The following TGFA variants were observed in gnomAD, a reference collection of about 807,000 sequenced individuals.
The protein encoded by TGFA is transforming growth factor alpha.
TGFA carries 12 observed loss-of-function variants against 21.7 expected under a neutral mutation model. The observed-to-expected ratio is 0.55, with a 90% CI of 0.35 to 0.90. TGFA has a LOEUF of 0.90. Among genes scored for constraint, TGFA ranks in the 40% least tolerant of loss-of-function variants. The pLI is 0.01. For synonymous variants in TGFA, 79 were observed against 88.1 expected (o/e 0.90, Z 0.58); for missense variants, 178 against 210.8 (o/e 0.84, Z 0.96).
intron 3 of TGFA, among the ~76,000 whole-genome samples, chr2:70,458,693 T>A (rs1308404028): frequency 6.6e-6 from 1 of 152,220 alleles, no homozygotes; most frequent in African/African-American, 2.4e-5. Flanking sequence ...CAGAAGGATG[T>A]AATTTACAGA....
chr2:70,506,550 C>G (rs543191626), intron 2 of TGFA, among the ~76,000 whole-genome samples: 1 of 152,196 alleles, frequency 6.6e-6, no homozygotes, highest in South Asian at 2.1e-4. Context: ...AAAAAGTAAC[C>G]ATAAAGATAC....
intron 2 of TGFA, among the ~76,000 whole-genome samples, chr2:70,478,501 A>G (rs1381879121): frequency 2.4e-5 from 1 of 42,244 alleles, no homozygotes; most frequent in East Asian, 1.2e-3. Flanking sequence ...ATACCACTGG[A>G]AAAAAAAAAA....
intron 2 of TGFA, among the ~76,000 whole-genome samples, chr2:70,489,544 A>C (rs1671366346): frequency 6.6e-6 from 1 of 152,222 alleles, no homozygotes; most frequent in Admixed American, 6.5e-5. Flanking sequence ...GAAAACCATC[A>C]GACAATGTCT....
chr2:70,461,023 C>T (rs1210310068), intron 3 of TGFA, among the ~76,000 whole-genome samples: 9 of 152,168 alleles, frequency 5.9e-5, no homozygotes, highest in African/African-American at 2.2e-4. Flanking sequence ...TGGCTCTTGT[C>T]ATAGGCAGCA....
intron 2 of TGFA, among the ~76,000 whole-genome samples, chr2:70,470,359 CT>C (rs1670702440): frequency 6.6e-6 from 1 of 152,192 alleles, no homozygotes; most frequent in Non-Finnish European, 1.5e-5. Context: ...AAATCTAACT[CT>C]ATGCCTCCTG....
chr2:70,515,258 A>C (rs1189960798), intron 1 of TGFA, among the ~76,000 whole-genome samples: 1 of 152,154 alleles, frequency 6.6e-6, no homozygotes, highest in Non-Finnish European at 1.5e-5. Context: ...CGTAACATAA[A>C]ATTTACCATT....
chr2:70,468,114 T>C (rs1235584366), intron 2 of TGFA, among the ~76,000 whole-genome samples: 1 of 152,246 alleles, frequency 6.6e-6, no homozygotes, highest in South Asian at 2.1e-4. Flanking sequence ...TTGTCACCAC[T>C]GACAATCCCA....
intron 2 of TGFA, among the ~76,000 whole-genome samples, chr2:70,505,787 G>C (rs1382380400): frequency 1.3e-5 from 2 of 152,148 alleles, no homozygotes; most frequent in Non-Finnish European, 2.9e-5. Flanking sequence ...CTGTGTTTTG[G>C]TATTTAAGAA....
intron 2 of TGFA, among the ~76,000 whole-genome samples, chr2:70,489,874 C>T (rs530273373): frequency 2.1e-4 from 32 of 152,268 alleles, no homozygotes; most frequent in African/African-American, 7.7e-4. Context: ...TTAACCAGGC[C>T]CCCAGGAGAG....
At chr2:70,490,689 GTCTC>G (rs1671409770) in intron 2 of TGFA, among the ~76,000 whole-genome samples, 2 of 152,142 alleles carry the variant, frequency 1.3e-5, no homozygotes, top group Non-Finnish European at 1.5e-5. Context: ...GTATGAATTG[GTCTC>G]TCTCTAACTT....
chr2:70,529,926 A>C (rs972450991), intron 1 of TGFA, among the ~76,000 whole-genome samples: 3 of 152,196 alleles, frequency 2.0e-5, no homozygotes, highest in Non-Finnish European at 4.4e-5. Flanking sequence ...CAGACATAGA[A>C]TATAACAGAA....
rs923963616 is a variant in TGFA, at chr2:70,448,514, T to C, written c.*2345A>G. On this transcript the variant is annotated 3_prime_UTR_variant, in exon 6 of 6. Coordinates refer to ENST00000295400, the MANE Select transcript of TGFA (RefSeq NM_003236.4). ...ATGGATTAGAAGATGCATTTTTAAC[T>C]TGAAATGGAGTATTTTTGCAGCTAA... 3 of 152,192 alleles carry C rather than the reference T, an allele frequency of 2.0e-5. No individual in the cohort carries two copies. The East Asian group carries it at 5.8e-4, about 29-fold the overall frequency. The allele number at this position is 152,192 out of a possible 1,614,324, so 9.4% of individuals were successfully genotyped here.
intron 2 of TGFA, among the ~76,000 whole-genome samples, chr2:70,512,247 A>G (rs918170999): frequency 5.3e-5 from 8 of 152,186 alleles, no homozygotes; most frequent in African/African-American, 7.2e-5. Context: ...CAGGGCCAAG[A>G]GTAAATAACT....
intron 2 of TGFA, among the ~76,000 whole-genome samples, chr2:70,505,899 G>A (rs1167031029): frequency 6.6e-6 from 1 of 152,214 alleles, no homozygotes; most frequent in Non-Finnish European, 1.5e-5. Context: ...TTTCAAGACA[G>A]GAAACGAGGA....
At chr2:70,528,210 A>C (rs1444599938) in intron 1 of TGFA, among the ~76,000 whole-genome samples, 2 of 152,248 alleles carry the variant, frequency 1.3e-5, no homozygotes, top group African/African-American at 4.8e-5. Context: ...TTTAGTTAAT[A>C]ATATACCAAT....
At chr2:70,520,304 C>G (rs538235640) in intron 1 of TGFA, among the ~76,000 whole-genome samples, 1 of 152,104 alleles carries the variant, frequency 6.6e-6, no homozygotes, top group African/African-American at 2.4e-5. Context: ...ATGCCTTTTA[C>G]GCCTTTTGAG....
chr2:70,516,018 G>A (rs758061), intron 1 of TGFA, among the ~76,000 whole-genome samples: 7 of 152,170 alleles, frequency 4.6e-5, no homozygotes, highest in African/African-American at 7.2e-5. Flanking sequence ...CATAAAACCA[G>A]CCCTGCCAAC....
chr2:70,512,319 AC>A (rs1377107291), intron 2 of TGFA, among the ~76,000 whole-genome samples: 5 of 152,068 alleles, frequency 3.3e-5, no homozygotes, highest in African/African-American at 1.2e-4. Flanking sequence ...TAGCTCAGTG[AC>A]CCATCAAACA....
At position 70,450,749 on chromosome 2, in the gene TGFA, A is replaced by G. The variant is rs1462462080; in HGVS notation, c.*110T>C. On this transcript the variant is annotated 3_prime_UTR_variant, in exon 6 of 6. Coordinates refer to ENST00000295400, the MANE Select transcript of TGFA (RefSeq NM_003236.4). ...AGGCTGCACAGGTGATTACAGGCCA[A>G]GTAGGAAGGTCTGTGGCACACCCAG... is the stretch of plus-strand genomic sequence containing the variant. 3 of 1,293,256 alleles carry G rather than the reference A, an allele frequency of 2.3e-6. No homozygotes were observed. Among genetic ancestry groups the G allele is most frequent in the Non-Finnish European group, 3.3e-6 (3 of 911,556 alleles). The allele number at this position is 1,293,256 out of a possible 1,614,324, so 80.1% of individuals were successfully genotyped here.
Sources: allele counts gnomAD v4.1 joint callset (sites outside exome capture counted in the v4.1 genomes callset), GRCh38; gene constraint gnomAD v4.1.1; transcripts MANE v1.5; gene names NCBI Gene and HGNC (gene_info 2026-07-23, HGNC 2026-07-21).